PHLDB2: variants seen among roughly 807,000 people sequenced by gnomAD.
PHLDB2 encodes the protein pleckstrin homology-like domain family B member 2.
In PHLDB2, 71 loss-of-function variants were observed where a neutral mutation model predicts 123.6. The observed-to-expected ratio is 0.57, with a 90% CI of 0.47 to 0.70. The LOEUF (loss-of-function observed/expected upper bound fraction) is 0.70. Ranked by LOEUF, PHLDB2 falls within the 30% of genes least tolerant of loss-of-function variation. The pLI, the probability that PHLDB2 is intolerant of heterozygous loss-of-function variation, is 0.00. For synonymous variants in PHLDB2, 547 were observed against 541.6 expected, an observed-to-expected ratio of 1.01 and a Z score of -0.14; for missense variants, 1,446 against 1,519.5, an observed-to-expected ratio of 0.95 and a Z score of 0.80.
At chr3:111,917,472 CT>C (rs1280385267) in intron 3 of PHLDB2, 1 of 152,178 alleles carries the variant, frequency 6.6e-6, no homozygotes, top group Non-Finnish European at 1.5e-5. Flanking sequence ...CTTGGTGAGG[CT>C]TTCCTGCTAG....
chr3:111,842,588 T>A (rs921340338), intron 1 of PHLDB2, among the ~76,000 whole-genome samples: 6 of 152,210 alleles, frequency 3.9e-5, no homozygotes, highest in Non-Finnish European at 5.9e-5. Context: ...CTTCTTTTTT[T>A]AAAAAACAGC....
intron 8 of PHLDB2, 96 bp from the exon 9 acceptor site, chr3:111,945,172 T>G: frequency 4.9e-6 from 4 of 811,228 alleles, no homozygotes; most frequent in Non-Finnish European, 8.2e-6. Context: ...GGGAAATATG[T>G]GAGAATCTGA....
Position 111,859,283 on chromosome 3 carries a change from T to G in PHLDB2, c.-308T>G. ...AGTCCCTACTGCGTTGCTGCGAACGTAGCTTTGAGAAGCTGGCGCCCAGTG... is the reference window on the plus strand; with the variant it reads ...AGTCCCTACTGCGTTGCTGCGAACGGAGCTTTGAGAAGCTGGCGCCCAGTG... On this transcript the variant is annotated 5_prime_UTR_variant, in exon 1 of 18. Transcript: ENST00000431670. The G allele has an allele frequency of 1.0e-6, 1 of 985,576 alleles. No homozygotes were observed. Among genetic ancestry groups the G allele is most frequent in the Non-Finnish European group, 1.2e-6 (1 of 830,006 alleles). The allele number at this position is 985,576 out of a possible 1,614,324, so 61.1% of individuals were successfully genotyped here.
intron 1 of PHLDB2, among the ~76,000 whole-genome samples, chr3:111,781,424 C>T (rs1467458298): frequency 1.3e-5 from 2 of 152,028 alleles, no homozygotes; most frequent in Admixed American, 1.3e-4. Context: ...ATCCACAGCC[C>T]TCCTGAGTCA....
chr3:111,786,066 G>A (rs565172432), intron 1 of PHLDB2, among the ~76,000 whole-genome samples: 42 of 152,068 alleles, frequency 2.8e-4, no homozygotes, highest in Non-Finnish European at 5.1e-4. Flanking sequence ...TTATCCCTCA[G>A]TATCTATGGA....
intron 12 of PHLDB2, among the ~76,000 whole-genome samples, chr3:111,961,151 T>G (rs1429142131): frequency 6.6e-6 from 1 of 152,034 alleles, no homozygotes; most frequent in Non-Finnish European, 1.5e-5. Flanking sequence ...GCCAACATGG[T>G]GAAACCCCGT....
intron 5 of PHLDB2, among the ~76,000 whole-genome samples, chr3:111,928,310 C>CT (rs2107557864): frequency 6.6e-6 from 1 of 152,294 alleles, no homozygotes; most frequent in East Asian, 1.9e-4. Flanking sequence ...TATTAATGTT[C>CT]TATATATTCA....
intron 9 of PHLDB2, among the ~76,000 whole-genome samples, chr3:111,947,484 T>C (rs1021984694): frequency 2.0e-5 from 3 of 152,204 alleles, no homozygotes; most frequent in Non-Finnish European, 4.4e-5. Context: ...TTTTTCTTTT[T>C]TAAAGGGGTG....
intron 1 of PHLDB2, among the ~76,000 whole-genome samples, chr3:111,756,641 C>T (rs2059895256): frequency 6.6e-6 from 1 of 152,096 alleles, no homozygotes; most frequent in Admixed American, 6.5e-5. Flanking sequence ...GCATTTAGTC[C>T]ATTTACATTT....
At chr3:111,883,694 A>T (rs1261853654) in intron 1 of PHLDB2, among the ~76,000 whole-genome samples, 1 of 152,238 alleles carries the variant, frequency 6.6e-6, no homozygotes, top group Non-Finnish European at 1.5e-5. Context: ...CCATTGCATT[A>T]TGCCTTTGGG....
intron 16 of PHLDB2, among the ~76,000 whole-genome samples, chr3:111,971,804 A>G (rs896059151): frequency 1.1e-4 from 17 of 152,214 alleles, no homozygotes; most frequent in Non-Finnish European, 2.1e-4. Context: ...AAATGTGAAC[A>G]CTGAGTGGCA....
chr3:111,734,972 A>G (rs1314389997), intron 1 of PHLDB2, among the ~76,000 whole-genome samples: 1 of 152,208 alleles, frequency 6.6e-6, no homozygotes, highest in Admixed American at 6.5e-5. Flanking sequence ...AAGTGTTTTT[A>G]GTCATGGCAG....
At chr3:111,822,370 G>A (rs1010268674) in intron 1 of PHLDB2, among the ~76,000 whole-genome samples, 4 of 149,368 alleles carry the variant, frequency 2.7e-5, no homozygotes, top group East Asian at 2.0e-4. Flanking sequence ...GCCAATATTC[G>A]AACAACTGTT....
intron 1 of PHLDB2, among the ~76,000 whole-genome samples, chr3:111,843,431 C>T (rs2063788143): frequency 6.6e-6 from 1 of 152,198 alleles, no homozygotes; most frequent in Non-Finnish European, 1.5e-5. Flanking sequence ...TGCTCTGTTG[C>T]CCAGGCTGGA....
intron 2 of PHLDB2, among the ~76,000 whole-genome samples, chr3:111,847,202 T>C (rs1237466728): frequency 6.6e-6 from 1 of 152,190 alleles, no homozygotes; most frequent in Non-Finnish European, 1.5e-5. Flanking sequence ...TGAGAAGTTA[T>C]TGAAGAATTC....
intron 5 of PHLDB2, among the ~76,000 whole-genome samples, chr3:111,927,621 C>T (rs976113456): frequency 9.9e-5 from 15 of 152,056 alleles, no homozygotes; most frequent in Non-Finnish European, 1.5e-5. Context: ...TTTGCATTTC[C>T]GACAAACAGA....
At chr3:111,887,609 G>C (rs1338033098) in intron 2 of PHLDB2, among the ~76,000 whole-genome samples, 1 of 151,948 alleles carries the variant, frequency 6.6e-6, no homozygotes, top group African/African-American at 2.4e-5. Flanking sequence ...AATGCCAAAG[G>C]GTTTTCCCCC....
At chr3:111,945,825 C>T (rs1279786264) in intron 9 of PHLDB2, among the ~76,000 whole-genome samples, 2 of 151,938 alleles carry the variant, frequency 1.3e-5, no homozygotes. Context: ...TCCCCACCCC[C>T]GCAACTGTTG....
At chr3:111,806,524 AC>A (rs1443712850) in intron 1 of PHLDB2, among the ~76,000 whole-genome samples, 1 of 146,588 alleles carries the variant, frequency 6.8e-6, no homozygotes, top group Non-Finnish European at 1.5e-5. Flanking sequence ...TCACTCTGTC[AC>A]CCAGGCTGGA....
Sources: allele counts gnomAD v4.1 joint callset (sites outside exome capture counted in the v4.1 genomes callset), GRCh38; gene constraint gnomAD v4.1.1; transcripts MANE v1.5; gene names NCBI Gene and HGNC (gene_info 2026-07-23, HGNC 2026-07-21).